The following METTL15 variants were observed in gnomAD, a reference collection of about 807,000 sequenced individuals.
The protein encoded by METTL15 is 12S rRNA N(4)-cytidine methyltransferase METTL15.
METTL15 carries 34 observed loss-of-function variants against 38.3 expected under a neutral mutation model. The ratio of observed to expected loss-of-function variants is 0.89; its 90% confidence interval spans 0.68 to 1.18. The LOEUF (loss-of-function observed/expected upper bound fraction) is 1.18, where lower values mean the gene tolerates loss of function less well. Among genes scored for constraint, METTL15 ranks in the 50% most tolerant of loss-of-function variants. METTL15 has a pLI of 0.00. For missense variants in METTL15, 438 were observed against 498.4 expected (o/e 0.88, Z 1.15); for synonymous variants, 162 against 170.9 (o/e 0.95, Z 0.41).
intron 4 of METTL15, among the ~76,000 whole-genome samples, chr11:28,358,179 A>G (rs1850106263): frequency 6.6e-6 from 1 of 152,180 alleles, no homozygotes; most frequent in African/African-American, 2.4e-5. Flanking sequence ...TACAACCACA[A>G]GGAACTAAAT....
intron 5 of METTL15, among the ~76,000 whole-genome samples, chr11:28,379,019 T>C (rs1054361361): frequency 2.0e-5 from 3 of 152,040 alleles, no homozygotes; most frequent in South Asian, 2.1e-4. Context: ...TAATTGTTCA[T>C]AATAGTCTCT....
chr11:28,301,561 G>A (rs1856914279), intron 6 of METTL15, among the ~76,000 whole-genome samples: 1 of 152,006 alleles, frequency 6.6e-6, no homozygotes, highest in Non-Finnish European at 1.5e-5. Context: ...GCATTAAGAG[G>A]TGCCATGAAT....
At chr11:28,111,548 T>A (rs1360717001) in intron 2 of METTL15, among the ~76,000 whole-genome samples, 1 of 152,234 alleles carries the variant, frequency 6.6e-6, no homozygotes, top group African/African-American at 2.4e-5. Flanking sequence ...ATTGAAGTAC[T>A]ATTAAATTAC....
At chr11:28,235,753 C>G (rs1296212397) in intron 4 of METTL15, among the ~76,000 whole-genome samples, 1 of 152,138 alleles carries the variant, frequency 6.6e-6, no homozygotes, top group Admixed American at 6.5e-5. Flanking sequence ...CATCTGCAAA[C>G]AGGGACAATT....
chr11:28,378,637 C>T (rs1232315583), intron 5 of METTL15, among the ~76,000 whole-genome samples: 1 of 152,146 alleles, frequency 6.6e-6, no homozygotes, highest in Non-Finnish European at 1.5e-5. Flanking sequence ...AGGCTGGGAG[C>T]TGTAGACAGG....
At chr11:28,161,107 CTTTTTTTT>C (rs10660185) in intron 3 of METTL15, among the ~76,000 whole-genome samples, 34 of 131,860 alleles carry the variant, frequency 2.6e-4, no homozygotes, top group Admixed American at 5.3e-4. Context: ...TTGCACCTTC[CTTTTTTTT>C]TTTTTTTTTT....
intron 4 of METTL15, among the ~76,000 whole-genome samples, chr11:28,272,256 G>C (rs1350352876): frequency 6.6e-6 from 1 of 152,096 alleles, no homozygotes; most frequent in African/African-American, 2.4e-5. Flanking sequence ...CTACTATAAA[G>C]ACACATGCAC....
At chr11:28,266,336 T>G (rs997045107) in intron 4 of METTL15, among the ~76,000 whole-genome samples, 2 of 152,054 alleles carry the variant, frequency 1.3e-5, no homozygotes, top group African/African-American at 4.8e-5. Context: ...TAGACTGGAT[T>G]AAGAAAATGT....
At chr11:28,419,522 G>A (rs927254500) in intron 5 of METTL15, among the ~76,000 whole-genome samples, 1 of 152,072 alleles carries the variant, frequency 6.6e-6, no homozygotes, top group African/African-American at 2.4e-5. Flanking sequence ...TGAATACCTG[G>A]AAAGCCTTCC....
At chr11:28,306,808 T>C (rs1857098384) in intron 6 of METTL15, among the ~76,000 whole-genome samples, 2 of 151,974 alleles carry the variant, frequency 1.3e-5, no homozygotes, top group Admixed American at 1.3e-4. Flanking sequence ...AGGGTAATAA[T>C]GGAAGAAAGA....
chr11:28,167,585 G>A, intron 3 of METTL15, among the ~76,000 whole-genome samples: 1 of 151,800 alleles, frequency 6.6e-6, no homozygotes, highest in Non-Finnish European at 1.5e-5. Flanking sequence ...AATTATGTAA[G>A]TATAAGTCAT....
At chr11:28,526,324 G>T (rs1051983876) in intron 6 of METTL15, among the ~76,000 whole-genome samples, 16 of 152,250 alleles carry the variant, frequency 1.1e-4, no homozygotes, top group African/African-American at 3.6e-4. Context: ...GGCTGCGAGG[G>T]CTGCCAGCAT....
chr11:28,401,743 A>G (rs182864784), intron 5 of METTL15, among the ~76,000 whole-genome samples: 6 of 151,258 alleles, frequency 4.0e-5, no homozygotes, highest in African/African-American at 1.5e-4. Flanking sequence ...AAGAGTGACT[A>G]AAAAAAAACC....
intron 5 of METTL15, among the ~76,000 whole-genome samples, chr11:28,377,654 C>G (rs1257580053): frequency 6.6e-6 from 1 of 152,202 alleles, no homozygotes; most frequent in Non-Finnish European, 1.5e-5. Context: ...CTTCTTCTCT[C>G]AGCTCGTCAA....
intron 5 of METTL15, among the ~76,000 whole-genome samples, chr11:28,400,601 G>T (rs991886622): frequency 2.6e-5 from 4 of 151,880 alleles, no homozygotes; most frequent in African/African-American, 9.7e-5. Context: ...CCCTCTTGAG[G>T]TCCAAAGGTT....
chr11:28,242,286 T>C (rs1854333459), intron 4 of METTL15, among the ~76,000 whole-genome samples: 1 of 152,232 alleles, frequency 6.6e-6, no homozygotes, highest in Non-Finnish European at 1.5e-5. Context: ...TCATGCTCCA[T>C]CTCTACTCTG....
At chr11:28,457,509 G>T (rs1851179138) in intron 6 of METTL15, among the ~76,000 whole-genome samples, 1 of 152,148 alleles carries the variant, frequency 6.6e-6, no homozygotes, top group African/African-American at 2.4e-5. Flanking sequence ...AGTCTGAAAG[G>T]TTGATAGGGC....
intron 6 of METTL15, chr11:28,328,134 A>G: frequency 6.2e-7 from 1 of 1,611,822 alleles, no homozygotes; most frequent in Middle Eastern, 1.7e-4. Context: ...CAAACTCTTT[A>G]TTAGGAAAAT....
At chr11:28,129,472 C>T (rs529450474) in intron 3 of METTL15, among the ~76,000 whole-genome samples, 62 of 151,478 alleles carry the variant, frequency 4.1e-4, no homozygotes, top group African/African-American at 1.2e-3. Flanking sequence ...TGCAGTGGCA[C>T]GATCTTGGCT....
Sources: allele counts gnomAD v4.1 joint callset (sites outside exome capture counted in the v4.1 genomes callset), GRCh38; gene constraint gnomAD v4.1.1; transcripts MANE v1.5; gene names NCBI Gene and HGNC (gene_info 2026-07-23, HGNC 2026-07-21).